COL22A1: variants seen among roughly 807,000 people sequenced by gnomAD.
COL22A1 encodes the protein collagen type XXII alpha 1 chain, also known as collagen alpha-1(XXII) chain.
COL22A1 carries 221 observed loss-of-function variants against 248.9 expected under a neutral mutation model. The ratio of observed to expected loss-of-function variants is 0.89; its 90% CI spans 0.80 to 0.99. The LOEUF (loss-of-function observed/expected upper bound fraction) is 0.99. Among genes scored for constraint, COL22A1 ranks in the 50% least tolerant of loss-of-function variants. COL22A1 has a pLI of 0.00. For synonymous variants in COL22A1, 891 were observed against 793.4 expected (o/e 1.12, Z -2.07); for missense variants, 2,240 against 2,179.0 (o/e 1.03, Z -0.56).
At chr8:138,895,239 G>T (rs1825323505) in intron 1 of COL22A1, among the ~76,000 whole-genome samples, 1 of 152,058 alleles carries the variant, frequency 6.6e-6, no homozygotes, top group African/African-American at 2.4e-5. Flanking sequence ...TCAGAATAAT[G>T]GCCAGTGTCG....
chr8:138,676,454 A>AAAGGAAGGAAGAAAGAAAGG (rs1554744069), intron 41 of COL22A1, 104 bp downstream of exon 41: 3 of 415,914 alleles, frequency 7.2e-6, no homozygotes, highest in Non-Finnish European at 1.3e-5. Flanking sequence ...AGAAAGAAAG[A>AAAGGAAGGAAGAAAGAAAGG]AAGGAAGAAA....
intron 3 of COL22A1, among the ~76,000 whole-genome samples, chr8:138,861,919 TG>T (rs1822490717): frequency 1.3e-5 from 2 of 148,414 alleles, no homozygotes; most frequent in Middle Eastern, 3.8e-3. Context: ...CGGGGCGCAG[TG>T]GTTCACGCCT....
At chr8:138,744,001 G>A (rs1158934512) in intron 22 of COL22A1, among the ~76,000 whole-genome samples, 1 of 152,126 alleles carries the variant, frequency 6.6e-6, no homozygotes, top group Non-Finnish European at 1.5e-5. Context: ...CTGTTCTCCA[G>A]GCCTCAGAAT....
At chr8:138,835,910 C>A (rs1218034821) in intron 4 of COL22A1, among the ~76,000 whole-genome samples, 1 of 152,206 alleles carries the variant, frequency 6.6e-6, no homozygotes, top group Admixed American at 6.5e-5. Flanking sequence ...TCTCTCCCTG[C>A]CAGCTCTCAG....
intron 55 of COL22A1, 79 bp downstream of exon 55, chr8:138,615,922 G>A: frequency 9.9e-7 from 1 of 1,010,890 alleles, no homozygotes; most frequent in East Asian, 2.4e-5. Context: ...AGCCATTGTG[G>A]GGCAGTTTCT....
intron 30 of COL22A1, among the ~76,000 whole-genome samples, chr8:138,710,026 A>T (rs1828822475): frequency 6.6e-6 from 1 of 152,184 alleles, no homozygotes; most frequent in African/African-American, 2.4e-5. Flanking sequence ...TTACATTCCT[A>T]TAAGCAACAC....
intron 22 of COL22A1, among the ~76,000 whole-genome samples, chr8:138,747,948 G>A (rs1331732451): frequency 1.3e-5 from 2 of 152,200 alleles, no homozygotes; most frequent in African/African-American, 4.8e-5. Context: ...TCAACTAGAA[G>A]CCATGTCTGC....
intron 16 of COL22A1, 89 bp downstream of exon 16, chr8:138,775,877 C>T (rs1279516820): frequency 2.5e-6 from 3 of 1,215,788 alleles, no homozygotes; most frequent in African/African-American, 1.5e-5. Context: ...TACACACACA[C>T]ACGAGCATAC....
Position 138,821,263 on chromosome 8 carries a change from G to A in COL22A1, c.1118C>T (p.Ala373Val), listed in dbSNP as rs924273555. The change falls in exon 7 of 65, where the codon GCC becomes GTC. Residue 373 changes from alanine (A) to valine (V), a missense_variant. Ala to Val is a moderately conservative substitution (Grantham distance 64). Transcript: ENST00000303045. ...DWHKMALSIQAQNVSLHIDCA... is the reference protein window; with the variant it reads ...DWHKMALSIQVQNVSLHIDCA... ...GTCAATGTGCAGGGAGACGTTCTGGGCCTGGATGCTCAGGGCCATCTTGTG... is the reference window on the plus strand; with the variant it reads ...GTCAATGTGCAGGGAGACGTTCTGGACCTGGATGCTCAGGGCCATCTTGTG... The A allele has an allele frequency of 4.3e-6, 7 of 1,614,078 alleles. No individual in the cohort carries two copies. Among genetic ancestry groups the A allele is most frequent in the Middle Eastern group, 1.6e-4 (1 of 6,084 alleles).
intron 10 of COL22A1, among the ~76,000 whole-genome samples, chr8:138,806,753 C>A (rs1299403150): frequency 1.3e-5 from 2 of 152,196 alleles, no homozygotes. Context: ...TACCCCACAG[C>A]GCCTGCTGTC....
At chr8:138,776,038 C>T (rs754489362) in intron 15 of COL22A1, 28 bp from the exon 16 acceptor site, 17 of 1,612,808 alleles carry the variant, frequency 1.1e-5, no homozygotes, top group Non-Finnish European at 1.4e-5. Flanking sequence ...AGCAGTGACC[C>T]AACATCTTAA....
intron 47 of COL22A1, among the ~76,000 whole-genome samples, chr8:138,638,272 C>T (rs4909816): frequency 0.9 from 136,866 of 152,260 alleles, 62,765 homozygotes; most frequent in East Asian, 1. Flanking sequence ...TAAAAGAATG[C>T]ATTATGCACT....
rs772387414 is a variant in COL22A1, at chr8:138,607,987, G to T, written c.3981C>A (p.Gly1327=). 2 of 1,613,992 alleles carry T rather than the reference G, an allele frequency of 1.2e-6. No individual in the cohort carries two copies. The highest frequency in any genetic ancestry group is 1.7e-6 in the Non-Finnish European group (2 of 1,179,950). The change falls in exon 57 of 65, where the codon GGC becomes GGA. Residue 1327 remains glycine (G), a splice_region_variant and synonymous_variant. Transcript: ENST00000303045. Reference sequence around the variant, plus strand: ...CTGGAGATCCCGGTGATCCATTCTTGCCCTGGTGGAAGAAACAGAGGTAAT... The same window carrying T: ...CTGGAGATCCCGGTGATCCATTCTTTCCCTGGTGGAAGAAACAGAGGTAAT... The part of the protein sequence containing the change: ...QGPQGPRGPP[G]KNGSPGSPGE...
Position 138,878,012 on chromosome 8 carries a change from G to C in COL22A1, c.396C>G (p.His132Gln). Residue 132 changes from histidine (H) to glutamine (Q), a missense_variant, in exon 3 of 65, where the codon CAC (histidine) becomes CAG (glutamine). His to Gln is a conservative substitution (Grantham distance 24). Transcript: ENST00000303045. ...RYITARSFSP[H>Q]AGGRPRDRAY... ...CGCGGTCCCTGGGGCGGCCGCCGGC[G>C]TGTGGGGAGAAGCTGCGGGCCGTGA... The C allele has an allele frequency of 1.9e-6, 3 of 1,586,880 alleles. No individual in the cohort carries two copies. The highest frequency in any genetic ancestry group is 2.6e-6 in the Non-Finnish European group (3 of 1,166,922).
At chr8:138,755,380 C>A in intron 20 of COL22A1, 102 bp downstream of exon 20, 5 of 1,362,864 alleles carry the variant, frequency 3.7e-6, no homozygotes, top group Non-Finnish European at 5.3e-6. Flanking sequence ...CAACTGAAGT[C>A]TGAAAGGCTC....
At chr8:138,673,210 T>TG (rs1825193346) in intron 41 of COL22A1, among the ~76,000 whole-genome samples, 1 of 89,704 alleles carries the variant, frequency 1.1e-5, no homozygotes, top group Non-Finnish European at 2.6e-5. Flanking sequence ...ACAGCCGATC[T>TG]ATTTTTTTTT....
chr8:138,869,749 C>T lies in COL22A1; in HGVS notation c.658+8001G>A, dbSNP rs191799703. 4.2e-4 allele frequency among the ~76,000 whole-genome samples: 64 copies of T among 152,334 alleles called. No individual in the cohort carries two copies. In the East Asian group the frequency reaches 0.011, roughly 25 times the overall value. ...GCCTCCCAAGAGGAACTCCTGGTGACCTGCAGCTGGAGGGCAGGGCCTGGG... is the reference window on the plus strand; with the variant it reads ...GCCTCCCAAGAGGAACTCCTGGTGATCTGCAGCTGGAGGGCAGGGCCTGGG... On this transcript the variant is annotated intron_variant, in intron 3 of 64. Transcript: ENST00000303045.
intron 9 of COL22A1, among the ~76,000 whole-genome samples, chr8:138,811,082 GAGA>G (rs1818170096): frequency 6.6e-6 from 1 of 152,116 alleles, no homozygotes; most frequent in African/African-American, 2.4e-5. Flanking sequence ...TACTCAAATG[GAGA>G]AGAACTTTTT....
At chr8:138,803,568 C>T (rs1455981326) in intron 10 of COL22A1, among the ~76,000 whole-genome samples, 3 of 152,142 alleles carry the variant, frequency 2.0e-5, no homozygotes, top group Non-Finnish European at 4.4e-5. Flanking sequence ...CAAGTGTCAA[C>T]CAGAGTCCCC....
Sources: gnomAD v4.1 joint callset for allele counts (sites outside exome capture counted in the v4.1 genomes callset) on GRCh38, gnomAD v4.1.1 for gene constraint, MANE v1.5 for transcripts, NCBI Gene and HGNC (gene_info 2026-07-23, HGNC 2026-07-21) for gene names.